Variants in EIPR1 observed in about 807,000 individuals in gnomAD.
EIPR1 encodes the protein EARP complex and GARP complex interacting protein 1.
Under a neutral mutation model 48.1 loss-of-function variants are expected in EIPR1, and 25 were observed. The ratio of observed to expected loss-of-function variants is 0.52; its 90% CI spans 0.38 to 0.73. The LOEUF (loss-of-function observed/expected upper bound fraction) is 0.73. Among genes scored for constraint, EIPR1 ranks in the 30% least tolerant of loss-of-function variants. EIPR1 has a pLI of 0.00. For synonymous variants in EIPR1, 204 were observed against 201.9 expected (o/e 1.01, Z -0.09); for missense variants, 415 against 506.2 (o/e 0.82, Z 1.73).
chr2:3,348,572 C>G (rs1326176044), intron 2 of EIPR1, among the ~76,000 whole-genome samples: 1 of 152,204 alleles, frequency 6.6e-6, no homozygotes, highest in Non-Finnish European at 1.5e-5. Context: ...CGCCTAAGCA[C>G]AGGGAGCTAT....
intron 3 of EIPR1, among the ~76,000 whole-genome samples, chr2:3,332,908 T>C (rs1354704677): frequency 6.6e-6 from 1 of 152,228 alleles, no homozygotes; most frequent in Admixed American, 6.5e-5. Flanking sequence ...GTTCCTTGCA[T>C]GAATAGAGAT....
intron 5 of EIPR1, among the ~76,000 whole-genome samples, chr2:3,210,240 A>T (rs185647436): frequency 5.3e-5 from 8 of 152,356 alleles, no homozygotes; most frequent in Admixed American, 6.5e-5. Flanking sequence ...AGGAAAAGAA[A>T]AGTGACAGAA....
At chr2:3,327,286 C>T (rs530835986) in intron 3 of EIPR1, among the ~76,000 whole-genome samples, 5 of 152,222 alleles carry the variant, frequency 3.3e-5, no homozygotes, top group South Asian at 4.1e-4. Context: ...CGGGGTCAAG[C>T]GATTCTCCTG....
intron 4 of EIPR1, among the ~76,000 whole-genome samples, chr2:3,220,518 G>A (rs1176542141): frequency 6.6e-6 from 1 of 151,914 alleles, no homozygotes; most frequent in Non-Finnish European, 1.5e-5. Context: ...TATAGAGTCA[G>A]GTGCACACAC....
chr2:3,324,122 G>A (rs372300524), intron 3 of EIPR1, among the ~76,000 whole-genome samples: 11 of 152,318 alleles, frequency 7.2e-5, no homozygotes, highest in African/African-American at 1.7e-4. Flanking sequence ...CAAGGCAGAC[G>A]GAATTCCTCC....
chr2:3,289,614 T>A (rs11127402), intron 3 of EIPR1, among the ~76,000 whole-genome samples: 1 of 151,930 alleles, frequency 6.6e-6, no homozygotes, highest in Non-Finnish European at 1.5e-5. Context: ...ATGTGCACCA[T>A]GTCTAAAATG....
intron 3 of EIPR1, among the ~76,000 whole-genome samples, chr2:3,266,547 C>T (rs1014281271): frequency 3.3e-5 from 5 of 152,184 alleles, no homozygotes; most frequent in Non-Finnish European, 7.3e-5. Context: ...ATGAGCAAGA[C>T]AAGGATGACA....
intron 3 of EIPR1, among the ~76,000 whole-genome samples, chr2:3,264,646 C>G (rs1461978406): frequency 6.6e-6 from 1 of 152,196 alleles, no homozygotes; most frequent in Non-Finnish European, 1.5e-5. Context: ...GACAACCTCA[C>G]CCCCATTCCT....
At chr2:3,291,877 C>G (rs943272201) in intron 3 of EIPR1, among the ~76,000 whole-genome samples, 6 of 152,340 alleles carry the variant, frequency 3.9e-5, no homozygotes, top group African/African-American at 1.4e-4. Context: ...TTCGCATGAC[C>G]ATGGCAATGT....
chr2:3,260,073 CAT>C (rs1667279717), intron 3 of EIPR1, among the ~76,000 whole-genome samples: 1 of 152,206 alleles, frequency 6.6e-6, no homozygotes, highest in African/African-American at 2.4e-5. Flanking sequence ...AGACGAATAA[CAT>C]AGAATCTATT....
In EIPR1 at chr2:3,194,178, G is replaced by C; in HGVS notation, c.654-12C>G. On this transcript the variant is annotated splice_polypyrimidine_tract_variant and intron_variant, in intron 6 of 8. Coordinates refer to ENST00000382125, the MANE Select transcript of EIPR1 (RefSeq NM_003310.5). ...TGCAGTAGATCTGGCTGAGGGAGAAGGAAGAACAGCAAAGGAAAATAGTAA... is the reference window on the plus strand; with the variant it reads ...TGCAGTAGATCTGGCTGAGGGAGAACGAAGAACAGCAAAGGAAAATAGTAA... 1 of 1,612,568 alleles carries C rather than the reference G, an allele frequency of 6.2e-7. No individual in the cohort carries two copies. Among genetic ancestry groups the C allele is most frequent in the Non-Finnish European group, 8.5e-7 (1 of 1,179,140 alleles).
intron 3 of EIPR1, among the ~76,000 whole-genome samples, chr2:3,296,062 C>CGT: frequency 8.3e-6 from 1 of 120,728 alleles, no homozygotes; most frequent in Non-Finnish European, 1.7e-5. Flanking sequence ...CCATGCAGCC[C>CGT]TCCTCTCTCT....
At chr2:3,275,980 C>A (rs1012534211) in intron 3 of EIPR1, among the ~76,000 whole-genome samples, 1 of 152,194 alleles carries the variant, frequency 6.6e-6, no homozygotes, top group African/African-American at 2.4e-5. Context: ...TCAAAGTCGA[C>A]TGTATTTTTC....
chr2:3,199,535 G>A (rs1479510694), intron 5 of EIPR1, among the ~76,000 whole-genome samples: 2 of 152,232 alleles, frequency 1.3e-5, no homozygotes, highest in Admixed American at 6.5e-5. Flanking sequence ...ACCTTGTGGT[G>A]GTGAGAAGAG....
chr2:3,275,978 G>C (rs34951820), intron 3 of EIPR1, among the ~76,000 whole-genome samples: 1 of 152,092 alleles, frequency 6.6e-6, no homozygotes, highest in African/African-American at 2.4e-5. Context: ...ACTCAAAGTC[G>C]ACTGTATTTT....
chr2:3,297,786 C>T (rs775709430), intron 3 of EIPR1, among the ~76,000 whole-genome samples: 1 of 152,142 alleles, frequency 6.6e-6, no homozygotes, highest in Non-Finnish European at 1.5e-5. Flanking sequence ...TTTCCTGGCC[C>T]CTCTCCTAGA....
chr2:3,240,662 T>C (rs1455334637), intron 4 of EIPR1, among the ~76,000 whole-genome samples: 1 of 131,070 alleles, frequency 7.6e-6, no homozygotes, highest in African/African-American at 2.9e-5. Flanking sequence ...CAGCAGATCC[T>C]TCCTCAAGAA....
chr2:3,277,914 G>A (rs570660323), intron 3 of EIPR1, among the ~76,000 whole-genome samples: 12 of 152,288 alleles, frequency 7.9e-5, no homozygotes, highest in African/African-American at 2.6e-4. Context: ...GCACTTCCTC[G>A]GCCCGTCCCT....
intron 3 of EIPR1, among the ~76,000 whole-genome samples, chr2:3,258,544 T>C (rs1457204256): frequency 4.6e-5 from 7 of 152,180 alleles, no homozygotes. Context: ...GAAAACAGCA[T>C]GGCATTACAA....
Sources: gnomAD v4.1 joint callset for allele counts (sites outside exome capture counted in the v4.1 genomes callset) on GRCh38, gnomAD v4.1.1 for gene constraint, MANE v1.5 for transcripts, NCBI Gene and HGNC (gene_info 2026-07-23, HGNC 2026-07-21) for gene names.